GNA13: variants seen among roughly 807,000 people sequenced by gnomAD.
The protein encoded by GNA13 is guanine nucleotide-binding protein subunit alpha-13.
A neutral mutation model predicts 33.5 loss-of-function variants in GNA13; 4 were observed. The ratio of observed to expected loss-of-function variants is 0.12; its 90% CI spans 0.06 to 0.27. The LOEUF is 0.27. Ranked by LOEUF, GNA13 falls within the 10% of genes least tolerant of loss-of-function variation. The pLI, the probability that GNA13 is intolerant of heterozygous loss-of-function variation, is 1.00. For missense variants in GNA13, 319 were observed against 487.2 expected (o/e 0.65, Z 3.25); for synonymous variants, 176 against 183.8 (o/e 0.96, Z 0.34).
chr17:65,012,200 G>A lies in GNA13; in HGVS notation c.*2057C>T, dbSNP rs1170105341. The A allele has an allele frequency of 4.5e-6, 1 of 219,974 alleles. No homozygotes were observed. The highest frequency in any genetic ancestry group is 2.2e-5 in the African/African-American group (1 of 44,646). 13.6% of individuals were successfully genotyped at this position (219,974 alleles called of 1,614,324 possible). On this transcript the variant is annotated 3_prime_UTR_variant, in exon 4 of 4. Transcript: ENST00000439174. Reference sequence around the variant, plus strand: ...GGCAATATCTATGGTTCGTATCACAGATCTTAACTATGACTTAAGTAAGAT... The same window carrying A: ...GGCAATATCTATGGTTCGTATCACAAATCTTAACTATGACTTAAGTAAGAT...
rs149393322 is a variant in GNA13 at position 65,056,405 on chromosome 17, G to A, written c.189C>T (p.Thr63=). ...LLGAGESGKS[T]FLKQMRIIHG... ...GGATGATCCGCATCTGCTTCAGGAA[G>A]GTGGACTTGCCGCTCTCGCCCGCGC... Residue 63 remains threonine (T), a synonymous_variant, in exon 1 of 4, where the codon ACC becomes ACT. Coordinates refer to ENST00000439174, the MANE Select transcript of GNA13 (RefSeq NM_006572.6). 3.7e-5 allele frequency: 59 copies of A among 1,613,678 alleles called. No individual in the cohort carries two copies. The African/African-American group carries it at 6.3e-4, about 17-fold the overall frequency.
rs1390149551 is a variant in GNA13, at chr17:65,012,679, A to G, written c.*1578T>C. On this transcript the variant is annotated 3_prime_UTR_variant, in exon 4 of 4. Transcript: ENST00000439174. ...TCGTATCAGACAGCAAGACAGAACA[A>G]CAGCCACTGACTTGGAAAGGCTGGG... The G allele has an allele frequency of 2.2e-5, 5 of 229,802 alleles. No individual in the cohort carries two copies. Among genetic ancestry groups the G allele is most frequent in the East Asian group, 6.2e-5 (1 of 16,198 alleles). The allele number at this position is 229,802 out of a possible 1,614,324, so 14.2% of individuals were successfully genotyped here.
rs569358976 is a variant in GNA13, at chr17:65,027,120, A to C, written c.511-8817T>G. On this transcript the variant is annotated intron_variant, in intron 2 of 3. Coordinates refer to ENST00000439174, the MANE Select transcript of GNA13 (RefSeq NM_006572.6). ...CTTAAGGCTCACTACTTTCTGAAGCAGAAGGAAAGAAACCATTTTATGAAA... is the reference window on the plus strand; with the variant it reads ...CTTAAGGCTCACTACTTTCTGAAGCCGAAGGAAAGAAACCATTTTATGAAA... Among the ~76,000 whole-genome samples the C allele has an allele frequency of 2.6e-5, 4 of 152,290 alleles. No homozygotes were observed. In the East Asian group the frequency reaches 5.8e-4, roughly 22 times the overall value.
Position 65,013,586 on chromosome 17 carries a change from C to T in GNA13, c.*671G>A, listed in dbSNP as rs1906264940. 8 of 220,204 alleles carry T rather than the reference C, an allele frequency of 3.6e-5. No homozygotes were observed. In the East Asian group the frequency reaches 5.4e-4, roughly 15 times the overall value. 13.6% of individuals were successfully genotyped at this position (220,204 alleles called of 1,614,324 possible). ...AAACAGCATTAGCTTGCCTTTTGCT[C>T]TCCCATACCACCTGTGAACTCTTCA... On this transcript the variant is annotated 3_prime_UTR_variant, in exon 4 of 4. Transcript: ENST00000439174.
rs1018627416 is a variant in GNA13, at chr17:65,011,885, G to A, written c.*2372C>T. On this transcript the variant is annotated 3_prime_UTR_variant, in exon 4 of 4. Coordinates refer to ENST00000439174, the MANE Select transcript of GNA13 (RefSeq NM_006572.6). ...AGGATTCAGTTTTCATGATACAGGT[G>A]TAAGACTCCTTTCAAACGTTTTTAA... 3.1e-5 allele frequency: 7 copies of A among 227,342 alleles called. No homozygotes were observed. Among genetic ancestry groups the A allele is most frequent in the African/African-American group, 1.6e-4 (7 of 45,010 alleles). 14.1% of individuals were successfully genotyped at this position (227,342 alleles called of 1,614,324 possible). A position where few individuals can be genotyped will look rare whatever the true frequency, so the allele number is the denominator to read the frequency against.
intron 2 of GNA13, among the ~76,000 whole-genome samples, chr17:65,041,586 C>G (rs1382172614): frequency 1.3e-5 from 2 of 152,068 alleles, no homozygotes; most frequent in Non-Finnish European, 2.9e-5. Context: ...TAACTAAGTA[C>G]TCTCAACGCC....
intron 2 of GNA13, among the ~76,000 whole-genome samples, chr17:65,030,428 T>A (rs1056977713): frequency 5.3e-5 from 8 of 152,230 alleles, no homozygotes; most frequent in Non-Finnish European, 2.9e-5. Context: ...ATACCGGAAA[T>A]CTGACAAAGG....
chr17:65,033,176 G>A (rs776510324), intron 2 of GNA13, among the ~76,000 whole-genome samples: 1 of 151,922 alleles, frequency 6.6e-6, no homozygotes, highest in Non-Finnish European at 1.5e-5. Context: ...GGGTAATACT[G>A]TCATTGTTAT....
intron 2 of GNA13, among the ~76,000 whole-genome samples, chr17:65,037,777 GGAAAAAAA>G (rs1338839665): frequency 1.7e-4 from 14 of 82,062 alleles, no homozygotes; most frequent in East Asian, 1.2e-3. Flanking sequence ...CTACAAAAAT[GGAAAAAAA>G]AAAAAAAAAA....
In GNA13 at chr17:65,014,570, G is replaced by A. The variant is rs1324234955; in HGVS notation, c.821C>T (p.Thr274Ile). Residue 274 changes from threonine (T) to isoleucine (I), a missense_variant, in exon 4 of 4, where the codon ACA (threonine) becomes ATA (isoleucine). Transcript: ENST00000439174. The surrounding 1 kb of genome is among the most constrained non-coding windows in gnomAD (Gnocchi z 5.3). ...RLTESLNIFETIVNNRVFSNV... is the reference protein window; with the variant it reads ...RLTESLNIFEIIVNNRVFSNV... ...GCTGAAAACCCGGTTATTGACGATTGTTTCAAAAATGTTCAGAGACTCTGT... is the reference window on the plus strand; with the variant it reads ...GCTGAAAACCCGGTTATTGACGATTATTTCAAAAATGTTCAGAGACTCTGT... The A allele has an allele frequency of 8.1e-6, 13 of 1,613,958 alleles. No homozygotes were observed. Among genetic ancestry groups the A allele is most frequent in the Non-Finnish European group, 1.1e-5 (13 of 1,179,954 alleles).
At chr17:65,043,072 C>T (rs1010237532) in intron 2 of GNA13, among the ~76,000 whole-genome samples, 3 of 152,072 alleles carry the variant, frequency 2.0e-5, no homozygotes, top group Non-Finnish European at 4.4e-5. Context: ...ATAGATCATT[C>T]TCATTTTACA....
At chr17:65,043,596 T>C (rs895956885) in intron 2 of GNA13, among the ~76,000 whole-genome samples, 4 of 152,112 alleles carry the variant, frequency 2.6e-5, no homozygotes, top group Non-Finnish European at 5.9e-5. Flanking sequence ...CTGAATGTGG[T>C]TTATTTTAAT....
intron 2 of GNA13, among the ~76,000 whole-genome samples, chr17:65,051,555 G>A (rs1907859149): frequency 1.3e-5 from 2 of 152,078 alleles, no homozygotes; most frequent in Non-Finnish European, 2.9e-5. Flanking sequence ...GCGGAGGTGA[G>A]CCAAGATCGC....
intron 2 of GNA13, among the ~76,000 whole-genome samples, chr17:65,042,087 G>T (rs969221077): frequency 1.3e-5 from 2 of 152,030 alleles, no homozygotes; most frequent in Non-Finnish European, 2.9e-5. Context: ...AGCCAGCCGC[G>T]GTGGCTCACA....
chr17:65,035,955 G>A (rs6504269), intron 2 of GNA13, among the ~76,000 whole-genome samples: 129,538 of 152,248 alleles, frequency 0.85, 59,098 homozygotes, highest in East Asian at 1. Flanking sequence ...CCTCGTGAAC[G>A]CACTCCAGGT....
chr17:65,024,042 C>T (rs1906684581), intron 2 of GNA13, among the ~76,000 whole-genome samples: 1 of 152,096 alleles, frequency 6.6e-6, no homozygotes, highest in Non-Finnish European at 1.5e-5. Context: ...TTGCTTGAGC[C>T]CAGGAGTTTA....
At chr17:65,037,779 A>AAAAAAT (rs1555602650) in intron 2 of GNA13, among the ~76,000 whole-genome samples, 2 of 137,704 alleles carry the variant, frequency 1.5e-5, no homozygotes, top group Admixed American at 7.1e-5. Context: ...ACAAAAATGG[A>AAAAAAT]AAAAAAAAAA....
intron 2 of GNA13, among the ~76,000 whole-genome samples, chr17:65,037,603 C>G (rs1307036383): frequency 6.6e-6 from 1 of 151,896 alleles, no homozygotes; most frequent in African/African-American, 2.4e-5. Context: ...ATCTCCTCCT[C>G]TGAACATTCT....
At chr17:65,036,994 C>A (rs111995155) in intron 2 of GNA13, among the ~76,000 whole-genome samples, 5,976 of 152,076 alleles carry the variant, frequency 0.039, 358 homozygotes, top group African/African-American at 0.13. Flanking sequence ...TAGTCTGGGC[C>A]AAGAACATAC....
Sources: gnomAD v4.1 joint callset for allele counts (sites outside exome capture counted in the v4.1 genomes callset) on GRCh38, gnomAD v4.1.1 for gene constraint, Gnocchi (gnomAD v3.1) non-coding constraint, MANE v1.5 for transcripts, NCBI Gene and HGNC (gene_info 2026-07-23, HGNC 2026-07-21) for gene names.